The following GPSM1 variants were observed in gnomAD, a reference collection of about 807,000 sequenced individuals.
GPSM1 encodes G protein-signaling modulator 1.
In GPSM1, 48 loss-of-function variants were observed where a neutral mutation model predicts 70.5. The ratio of observed to expected loss-of-function variants is 0.68; its 90% confidence interval spans 0.54 to 0.87. The LOEUF is 0.87. Ranked by LOEUF, GPSM1 falls within the 40% of genes least tolerant of loss-of-function variation. The probability of loss-of-function intolerance (pLI) is 0.00; values close to 1 mark genes in which losing one functional copy is unlikely to be tolerated. For synonymous variants in GPSM1, 416 were observed against 430.1 expected (o/e 0.97, Z 0.41); for missense variants, 981 against 972.6 (o/e 1.01, Z -0.11).
chr9:136,353,822 C>T (rs971028151), intron 11 of GPSM1, among the ~76,000 whole-genome samples: 1 of 152,152 alleles, frequency 6.6e-6, no homozygotes, highest in Non-Finnish European at 1.5e-5. Context: ...CCTTTTAGAC[C>T]AGGAGGCCAC....
In GPSM1 at chr9:136,343,217, A is replaced by G. The variant is rs1308571950; in HGVS notation, c.1207+2224A>G. Among the ~76,000 whole-genome samples, 1 of 151,984 alleles carries G rather than the reference A, an allele frequency of 6.6e-6. No individual in the cohort carries two copies. Among genetic ancestry groups the G allele is most frequent in the African/African-American group, 2.4e-5 (1 of 41,372 alleles). On this transcript the variant is annotated intron_variant, in intron 9 of 13. Coordinates refer to ENST00000440944, the MANE Select transcript of GPSM1 (RefSeq NM_001145638.3). This position sits in a 1 kb window ranked among gnomAD's most constrained non-coding sequence, Gnocchi z 6.0. ...AACCAGCCCCCACCTCCCTGGCCAG[A>G]GGGCACAGGCCCGGGCCTCCCACAC...
At chr9:136,355,990 C>A (rs1417511534) in intron 12 of GPSM1, 144 bp downstream of exon 12, 4 of 666,356 alleles carry the variant, frequency 6.0e-6, no homozygotes, top group Non-Finnish European at 7.5e-6. Context: ...GGGCGCCCTC[C>A]GCAGCCCCCA....
chr9:136,357,784 C>T (rs1049589093), intron 13 of GPSM1, among the ~76,000 whole-genome samples: 1 of 152,242 alleles, frequency 6.6e-6, no homozygotes, highest in Non-Finnish European at 1.5e-5. Flanking sequence ...CTGGGCGGGC[C>T]TGCCCTGGGC....
Position 136,336,736 on chromosome 9 carries a change from G to A in GPSM1, c.427-185G>A, listed in dbSNP as rs781944452. 3.3e-5 allele frequency among the ~76,000 whole-genome samples: 5 copies of A among 152,308 alleles called. No individual in the cohort carries two copies. In the South Asian group the frequency reaches 8.3e-4, roughly 25 times the overall value. On this transcript the variant is annotated intron_variant, in intron 3 of 13. Coordinates refer to ENST00000440944, the MANE Select transcript of GPSM1 (RefSeq NM_001145638.3). ...GGAGGGAGGGATGGTGAGGGAGGGC[G>A]GAGGCTGGCTTCCCGGGTGTGCCGT...
chr9:136,340,965 G>T lies in GPSM1; in HGVS notation c.1179G>T (p.Lys393Asn), dbSNP rs1163836463. 3.2e-6 allele frequency: 5 copies of T among 1,562,800 alleles called. No homozygotes were observed. The African/African-American group carries it at 6.8e-5, about 21-fold the overall frequency. ...GRLTSPAASEKPDLAGYEAQG... is the reference protein window; with the variant it reads ...GRLTSPAASENPDLAGYEAQG... ...TGACCAGCCCGGCAGCCTCAGAGAA[G>T]CCTGACCTGGCCGGCTATGAGGCCC... is the stretch of plus-strand genomic sequence containing the variant. The change falls in exon 9 of 14, where the codon AAG becomes AAT. Residue 393 changes from lysine to asparagine, a missense_variant. By Grantham distance (94) the Lys-to-Asn change is moderately conservative (BLOSUM62 0). Coordinates refer to ENST00000440944, the MANE Select transcript of GPSM1 (RefSeq NM_001145638.3). This position sits in a 1 kb window ranked among gnomAD's most constrained non-coding sequence, Gnocchi z 7.3.
rs531958135 is a variant in GPSM1, at chr9:136,330,966, T to G, written c.68+3203T>G. ...GTAGGACCCCTGAGCCCACAAGGCC[T>G]CAAGGTAAGGAGGAGAGAGCCCAGG... On this transcript the variant is annotated intron_variant, in intron 1 of 13. Transcript: ENST00000440944. Among the ~76,000 whole-genome samples the G allele has an allele frequency of 2.0e-5, 3 of 152,204 alleles. No individual in the cohort carries two copies. The South Asian group carries it at 6.2e-4, about 32-fold the overall frequency.
intron 2 of GPSM1, among the ~76,000 whole-genome samples, 188 bp downstream of exon 2, chr9:136,334,856 G>A (rs1832194339): frequency 6.6e-6 from 1 of 151,848 alleles, no homozygotes. Flanking sequence ...GGAGCAGTGA[G>A]TGGGGCGGCC....
In GPSM1 at chr9:136,340,703, C is replaced by T. The variant is rs1044496435; in HGVS notation, c.1084-167C>T. Among the ~76,000 whole-genome samples, 4 of 152,104 alleles carry T rather than the reference C, an allele frequency of 2.6e-5. No homozygotes were observed. The highest frequency in any genetic ancestry group is 2.1e-4 in the South Asian group (1 of 4,824). On this transcript the variant is annotated intron_variant, in intron 8 of 13. Coordinates refer to ENST00000440944, the MANE Select transcript of GPSM1 (RefSeq NM_001145638.3). This position sits in a 1 kb window ranked among gnomAD's most constrained non-coding sequence, Gnocchi z 7.3. ...GGGACAGACCCCCAGACTCCACCTC[C>T]GGGTCCACAGTGAGTCCTGGTTCCC...
intron 1 of GPSM1, chr9:136,332,204 G>T (rs1290818595): frequency 2.5e-6 from 1 of 399,186 alleles, no homozygotes; most frequent in Non-Finnish European, 4.4e-6. Context: ...GGTCACGTGG[G>T]TGTGGGTGCC....
intron 1 of GPSM1, among the ~76,000 whole-genome samples, chr9:136,331,401 C>T (rs900207599): frequency 1.4e-5 from 2 of 143,078 alleles, no homozygotes; most frequent in African/African-American, 2.6e-5. Flanking sequence ...GCACCGTGGG[C>T]TGGTGCCAGG....
chr9:136,329,477 T>C (rs531231549), intron 1 of GPSM1, among the ~76,000 whole-genome samples: 7 of 152,300 alleles, frequency 4.6e-5, no homozygotes, highest in African/African-American at 1.4e-4. Context: ...AAAAGTCTCC[T>C]GTCTCCTGAA....
rs1441744422 is a variant in GPSM1, at chr9:136,327,658, G to T, written c.-38G>T. On this transcript the variant is annotated 5_prime_UTR_variant, in exon 1 of 14. Coordinates refer to ENST00000440944, the MANE Select transcript of GPSM1 (RefSeq NM_001145638.3). ...GCAGGGGGCGGACGGCCACGGCGCG[G>T]GGGGCGCTCCCGGCTCCCGCTCCCG... The T allele has an allele frequency of 2.9e-5, 23 of 802,788 alleles. No individual in the cohort carries two copies. In the African/African-American group the frequency reaches 3.5e-4, roughly 12 times the overall value. The allele number at this position is 802,788 out of a possible 1,614,324, so 49.7% of individuals were successfully genotyped here.
At chr9:136,346,888 C>T (rs1832536459) in intron 9 of GPSM1, among the ~76,000 whole-genome samples, 4 of 152,194 alleles carry the variant, frequency 2.6e-5, no homozygotes, top group Admixed American at 1.3e-4. Context: ...CGGCTCTCTC[C>T]CTCTGTGGAT....
chr9:136,352,075 G>A (rs868947107), intron 11 of GPSM1, among the ~76,000 whole-genome samples: 1 of 147,628 alleles, frequency 6.8e-6, no homozygotes, highest in Non-Finnish European at 1.5e-5. Context: ...TGCTGTTGGT[G>A]ACACCAATAC....
intron 3 of GPSM1, among the ~76,000 whole-genome samples, 160 bp from the exon 4 acceptor site, chr9:136,336,761 T>C (rs1588693042): frequency 6.6e-6 from 1 of 151,850 alleles, no homozygotes. Context: ...GGGTGTGCCG[T>C]CCTCAGGCTT....
Position 136,341,004 on chromosome 9 carries a change from G to C in GPSM1, c.1207+11G>C. On this transcript the variant is annotated intron_variant, in intron 9 of 13. Transcript: ENST00000440944. The surrounding 1 kb of genome is among the most constrained non-coding windows in gnomAD (Gnocchi z 6.7). ...GCTATGAGGCCCAGGGTGAGTTCCA[G>C]GGTTGTGGGGGGGTCTTGCTCCCCA... 6.4e-7 allele frequency: 1 copy of C among 1,564,506 alleles called. No individual in the cohort carries two copies. Among genetic ancestry groups the C allele is most frequent in the Non-Finnish European group, 8.7e-7 (1 of 1,155,040 alleles).
rs1218752747 is a variant in GPSM1 at position 136,336,908 on chromosome 9, G to A, written c.427-13G>A. The A allele has an allele frequency of 2.9e-5, 45 of 1,550,736 alleles. No individual in the cohort carries two copies. The highest frequency in any genetic ancestry group is 4.1e-5 in the African/African-American group (3 of 73,064). On this transcript the variant is annotated splice_polypyrimidine_tract_variant and intron_variant, in intron 3 of 13. Transcript: ENST00000440944. ...CGTGGAGGCATGCCCCCAACCCTCC[G>A]TACTGCCCACAGGTTGGGGAGGCGA...
At chr9:136,328,198 G>A (rs969248034) in intron 1 of GPSM1, among the ~76,000 whole-genome samples, 9 of 152,258 alleles carry the variant, frequency 5.9e-5, no homozygotes, top group Admixed American at 2.0e-4. Flanking sequence ...GGTTGGAAGG[G>A]AGCCAGCCAG....
intron 13 of GPSM1, 117 bp downstream of exon 13, chr9:136,356,667 T>A (rs1489058727): frequency 2.8e-6 from 2 of 721,788 alleles, no homozygotes; most frequent in Non-Finnish European, 4.6e-6. Flanking sequence ...CCGGTCATGT[T>A]TGAGGGACTC....
Sources: allele counts gnomAD v4.1 joint callset (sites outside exome capture counted in the v4.1 genomes callset), GRCh38; gene constraint gnomAD v4.1.1; non-coding constraint Gnocchi (gnomAD v3.1); transcripts MANE v1.5; gene names NCBI Gene and HGNC (gene_info 2026-07-23, HGNC 2026-07-21).